The following RGS3 variants were observed in gnomAD, a reference collection of about 807,000 sequenced individuals.
RGS3 encodes the protein regulator of G protein signaling 3, also known as regulator of G-protein signalling 3.
In RGS3, 80 loss-of-function variants were observed where a neutral mutation model predicts 132.6. The observed-to-expected ratio is 0.60, with a 90% CI of 0.50 to 0.73. RGS3 has a LOEUF of 0.73. Ranked by LOEUF, RGS3 falls within the 30% of genes least tolerant of loss-of-function variation. RGS3 has a pLI of 0.00. For synonymous variants in RGS3, 598 were observed against 620.6 expected, an observed-to-expected ratio of 0.96 and a Z score of 0.54; for missense variants, 1,382 against 1,530.8, an observed-to-expected ratio of 0.90 and a Z score of 1.62.
intron 1 of RGS3, among the ~76,000 whole-genome samples, chr9:113,453,818 C>T (rs922336292): frequency 3.4e-5 from 5 of 147,900 alleles, no homozygotes; most frequent in Non-Finnish European, 7.4e-5. Flanking sequence ...ATATATATAT[C>T]TTCCATGTCT....
At chr9:113,594,012 A>G in intron 21 of RGS3, 1 of 1,612,184 alleles carries the variant, frequency 6.2e-7, no homozygotes, top group Non-Finnish European at 8.5e-7. Flanking sequence ...TGCCCCTTTC[A>G]CGGCTCCCTC....
rs1831650966 is a variant in RGS3 at position 113,516,185 on chromosome 9, C to A, written c.1675-1356C>A. 2.6e-5 allele frequency among the ~76,000 whole-genome samples: 4 copies of A among 152,220 alleles called. No individual in the cohort carries two copies. In the South Asian group the frequency reaches 8.3e-4, roughly 31 times the overall value. On this transcript the variant is annotated intron_variant, in intron 15 of 24. Coordinates refer to ENST00000350696, the Ensembl canonical transcript of RGS3. ...CCCTGGCATCCCAGTCTGAGCCTGT[C>A]ACTGTCCAGTAGGCACACTTTGTTA...
intron 21 of RGS3, chr9:113,594,145 T>A: frequency 6.2e-7 from 1 of 1,613,136 alleles, no homozygotes; most frequent in East Asian, 2.2e-5. Context: ...CAGGCCAGGA[T>A]TCCAGAGAGC....
At chr9:113,505,986 G>A (rs1831111592) in intron 11 of RGS3, among the ~76,000 whole-genome samples, 1 of 152,198 alleles carries the variant, frequency 6.6e-6, no homozygotes, top group Non-Finnish European at 1.5e-5. Context: ...GGTGTTTCCA[G>A]TGCCTACACA....
chr9:113,528,655 A>T (rs1832328111), intron 17 of RGS3, among the ~76,000 whole-genome samples: 1 of 152,128 alleles, frequency 6.6e-6, no homozygotes, highest in South Asian at 2.1e-4. Flanking sequence ...TGCAACTGGG[A>T]TCCTGGACTA....
chr9:113,521,548 G>A (rs760779165), intron 16 of RGS3, among the ~76,000 whole-genome samples: 56 of 152,208 alleles, frequency 3.7e-4, no homozygotes, highest in Non-Finnish European at 7.5e-4. Context: ...TTTGATTTAC[G>A]ATAGACAGAT....
intron 19 of RGS3, among the ~76,000 whole-genome samples, chr9:113,554,058 C>T (rs545040716): frequency 6.6e-6 from 1 of 152,248 alleles, no homozygotes; most frequent in South Asian, 2.1e-4. Context: ...AAAAGCTTTC[C>T]TTCTGTTTAC....
chr9:113,564,905 G>GGGT, intron 19 of RGS3: 3 of 995,034 alleles, frequency 3.0e-6, no homozygotes, highest in Non-Finnish European at 3.6e-6. Context: ...AACAGCGTCG[G>GGGT]GGTGGGGGTG....
chr9:113,529,841 G>C (rs1271412256), intron 18 of RGS3, among the ~76,000 whole-genome samples: 1 of 152,210 alleles, frequency 6.6e-6, no homozygotes, highest in African/African-American at 2.4e-5. Flanking sequence ...CTGATCAGAA[G>C]CTTAGATAGG....
chr9:113,532,861 A>ATAAGGGGT (rs1217901967), intron 18 of RGS3, among the ~76,000 whole-genome samples: 1 of 152,134 alleles, frequency 6.6e-6, no homozygotes, highest in African/African-American at 2.4e-5. Flanking sequence ...GTGGACAGTT[A>ATAAGGGGT]TACAAAAAGC....
chr9:113,471,088 C>T (rs1829816000), intron 3 of RGS3, among the ~76,000 whole-genome samples: 1 of 152,160 alleles, frequency 6.6e-6, no homozygotes, highest in Admixed American at 6.5e-5. Context: ...TTGTCAGGTG[C>T]CTAGGGTCAC....
rs1403785839 is a variant in RGS3 at position 113,491,273 on chromosome 9, T to A, written c.690-4513T>A. On this transcript the variant is annotated intron_variant, in intron 7 of 24. Transcript: ENST00000350696. ...GGCATAATCTTTTTTTAAAGTAATT[T>A]TTTTTTCTTTTTTTTTGAGATGGAG... 4.0e-5 allele frequency among the ~76,000 whole-genome samples: 6 copies of A among 150,598 alleles called. No homozygotes were observed. The Admixed American group carries it at 4.0e-4, about 10-fold the overall frequency.
chr9:113,479,579 C>G (rs201670629), intron 4 of RGS3, 38 bp downstream of exon 2: 38 of 1,605,460 alleles, frequency 2.4e-5, no homozygotes, highest in Non-Finnish European at 3.1e-5. Flanking sequence ...AAGGAAGGGG[C>G]GGGCCACTCA....
At chr9:113,451,178 CA>C (rs1174466508) in intron 1 of RGS3, among the ~76,000 whole-genome samples, 6 of 98,960 alleles carry the variant, frequency 6.1e-5, no homozygotes, top group South Asian at 3.8e-4. Flanking sequence ...GACTCCGTCT[CA>C]AAAAAAAAGA....
chr9:113,482,978 T>C (rs751443344), intron 4 of RGS3, 81 bp from the exon 3 acceptor site: 305 of 1,608,282 alleles, frequency 1.9e-4, no homozygotes, highest in Non-Finnish European at 2.5e-4. Context: ...TGGATGGATA[T>C]GTCTATGTGT....
intron 20 of RGS3, among the ~76,000 whole-genome samples, chr9:113,589,575 G>C (rs1218565256): frequency 6.6e-6 from 1 of 152,206 alleles, no homozygotes; most frequent in Non-Finnish European, 1.5e-5. Flanking sequence ...GTGTGGAGCC[G>C]ATAAAGTACG....
At position 113,593,983 on chromosome 9, in the gene RGS3, G is replaced by C. The variant is rs139614300; in HGVS notation, c.3081-447G>C. ...GCTTCCTGCCGGGGCGGCCCCAGAG[G>C]CTGTCCCTTGCAGACACATGCCCCT... On this transcript the variant is annotated intron_variant, in intron 21 of 24. Coordinates refer to ENST00000350696, the Ensembl canonical transcript of RGS3. 4.7e-4 allele frequency: 757 copies of C among 1,613,070 alleles called. 8 individuals carry two copies. In the Middle Eastern group the frequency reaches 0.012, roughly 26 times the overall value.
At chr9:113,595,630 C>T in exon 24 of RGS3, 1 of 1,614,190 alleles carries the variant, frequency 6.2e-7, no homozygotes, top group Admixed American at 1.7e-5. Flanking sequence ...CCTTCCTTCG[C>T]ACTGAGTTCA....
At chr9:113,485,991 G>C (rs187842276) in intron 7 of RGS3, among the ~76,000 whole-genome samples, 1 of 152,212 alleles carries the variant, frequency 6.6e-6, no homozygotes, top group Non-Finnish European at 1.5e-5. Context: ...CACTGTTCAC[G>C]TGGGGACACC....
Sources: allele counts gnomAD v4.1 joint callset (sites outside exome capture counted in the v4.1 genomes callset), GRCh38; gene constraint gnomAD v4.1.1; transcripts MANE v1.5; gene names NCBI Gene and HGNC (gene_info 2026-07-23, HGNC 2026-07-21).